The following OSTC variants were observed in gnomAD, a reference collection of about 807,000 sequenced individuals.
The protein encoded by OSTC is oligosaccharyltransferase complex non-catalytic subunit.
Under a neutral mutation model 16.4 loss-of-function variants are expected in OSTC, and 16 were observed. That is an observed-to-expected ratio of 0.98 (90% CI 0.66 to 1.49). The LOEUF (loss-of-function observed/expected upper bound fraction) is 1.49. Ranked by LOEUF, OSTC falls within the 40% of genes most tolerant of loss-of-function variation. The pLI, the probability that OSTC is intolerant of heterozygous loss-of-function variation, is 0.00. For synonymous variants in OSTC, 67 were observed against 68.5 expected (o/e 0.98, Z 0.11); for missense variants, 139 against 186.3 (o/e 0.75, Z 1.48).
At chr4:108,660,147 G>A (rs1017776263) in intron 3 of OSTC, among the ~76,000 whole-genome samples, 2 of 152,284 alleles carry the variant, frequency 1.3e-5, no homozygotes, top group East Asian at 1.9e-4. Flanking sequence ...ATGTAACACC[G>A]TTGACTAAAT....
At chr4:108,657,953 G>C (rs1334476752) in intron 3 of OSTC, among the ~76,000 whole-genome samples, 1 of 111,648 alleles carries the variant, frequency 9.0e-6, no homozygotes, top group African/African-American at 3.7e-5. Flanking sequence ...TTTTTGAGAC[G>C]GAGTTTCGCT....
At chr4:108,653,237 A>G (rs1432102621) in intron 1 of OSTC, among the ~76,000 whole-genome samples, 4 of 152,224 alleles carry the variant, frequency 2.6e-5, no homozygotes, top group Non-Finnish European at 5.9e-5. Flanking sequence ...CTCAAAAAAT[A>G]AAAACAAACA....
intron 3 of OSTC, chr4:108,663,197 T>A: frequency 2.2e-6 from 1 of 455,972 alleles, no homozygotes; most frequent in Non-Finnish European, 4.4e-6. Context: ...AATAAATGAA[T>A]AAACCATTAC....
chr4:108,651,856 G>C (rs1345897970), intron 1 of OSTC, among the ~76,000 whole-genome samples: 1 of 152,194 alleles, frequency 6.6e-6, no homozygotes, highest in Non-Finnish European at 1.5e-5. Flanking sequence ...GATTCAAACT[G>C]AGAGAGCTGA....
chr4:108,655,720 T>A (rs925840535), intron 2 of OSTC, 63 bp downstream of exon 2: 1 of 1,176,026 alleles, frequency 8.5e-7, no homozygotes, highest in Non-Finnish European at 1.3e-6. Flanking sequence ...TATGCCCACT[T>A]ATTTAAAAAT....
chr4:108,665,726 A>G (rs1031009102), intron 3 of OSTC, among the ~76,000 whole-genome samples: 37 of 151,702 alleles, frequency 2.4e-4, no homozygotes, highest in African/African-American at 8.7e-4. Context: ...CGCCCAGCTA[A>G]TTTTTGTAGT....
intron 3 of OSTC, 23 bp downstream of exon 3, chr4:108,657,670 A>G: frequency 6.4e-7 from 1 of 1,568,054 alleles, no homozygotes; most frequent in Non-Finnish European, 8.7e-7. Context: ...TGTAATCAGC[A>G]CCTTATGTTG....
intron 3 of OSTC, among the ~76,000 whole-genome samples, chr4:108,665,145 C>T (rs1233669674): frequency 6.6e-6 from 1 of 152,140 alleles, no homozygotes; most frequent in East Asian, 1.9e-4. Context: ...TGAGTGTTTG[C>T]TGTGTGCCAA....
rs1727009420 is a variant in OSTC at position 108,666,640 on chromosome 4, G to A, written c.432-607G>A. Among the ~76,000 whole-genome samples, 3 of 149,754 alleles carry A rather than the reference G, an allele frequency of 2.0e-5. No individual in the cohort carries two copies. In the South Asian group the frequency reaches 6.4e-4, roughly 32 times the overall value. On this transcript the variant is annotated intron_variant, in intron 3 of 3. Transcript: ENST00000361564. ...GCAGGAGAATCGCTTGAACCCAGGAGGCAGAGGTTGCAGTGAGCCGAGATT... is the reference window on the plus strand; with the variant it reads ...GCAGGAGAATCGCTTGAACCCAGGAAGCAGAGGTTGCAGTGAGCCGAGATT...
At chr4:108,656,247 T>G (rs978129815) in intron 2 of OSTC, among the ~76,000 whole-genome samples, 4 of 50,118 alleles carry the variant, frequency 8.0e-5, no homozygotes, top group African/African-American at 3.7e-4. Flanking sequence ...TTTCTAAAAT[T>G]TACTTAATAT....
At chr4:108,655,366 T>C (rs1726673452) in intron 1 of OSTC, among the ~76,000 whole-genome samples, 198 bp from the exon 2 acceptor site, 1 of 152,114 alleles carries the variant, frequency 6.6e-6, no homozygotes, top group African/African-American at 2.4e-5. Flanking sequence ...CTTGGGAGGC[T>C]GAGGCAGGAG....
chr4:108,658,445 G>GTGTGTA (rs1395625511), intron 3 of OSTC, among the ~76,000 whole-genome samples: 2 of 151,738 alleles, frequency 1.3e-5, no homozygotes, highest in Non-Finnish European at 2.9e-5. Flanking sequence ...GTGTGTGTGT[G>GTGTGTA]TATGTGTGCG....
chr4:108,662,844 A>AT (rs1306217063), intron 3 of OSTC, among the ~76,000 whole-genome samples: 2 of 152,214 alleles, frequency 1.3e-5, no homozygotes, highest in Non-Finnish European at 2.9e-5. Flanking sequence ...TCCGAGGTTC[A>AT]TTTTTAGCAA....
intron 3 of OSTC, among the ~76,000 whole-genome samples, chr4:108,659,735 C>T (rs1378146425): frequency 1.3e-5 from 2 of 152,056 alleles, no homozygotes; most frequent in African/African-American, 4.8e-5. Flanking sequence ...TGCCACTGCA[C>T]TCCAGCCTGG....
At chr4:108,653,219 G>A (rs1396309443) in intron 1 of OSTC, among the ~76,000 whole-genome samples, 1 of 152,080 alleles carries the variant, frequency 6.6e-6, no homozygotes, top group African/African-American at 2.4e-5. Context: ...AGCAAGACCC[G>A]ACCCTCTCTC....
At chr4:108,664,329 A>G (rs892924102) in intron 3 of OSTC, among the ~76,000 whole-genome samples, 2 of 152,186 alleles carry the variant, frequency 1.3e-5, no homozygotes, top group Non-Finnish European at 2.9e-5. Context: ...ATATTCACAT[A>G]TAGGTATATG....
In OSTC at chr4:108,660,473, T is replaced by C. The variant is rs566365891; in HGVS notation, c.431+2826T>C. ...CCCAGAGGAGATGATGAGCAAGGACTGTTGGCCTGTATTACACACAACAGG... is the reference window on the plus strand; with the variant it reads ...CCCAGAGGAGATGATGAGCAAGGACCGTTGGCCTGTATTACACACAACAGG... On this transcript the variant is annotated intron_variant, in intron 3 of 3. Transcript: ENST00000361564. Among the ~76,000 whole-genome samples, 5 of 152,332 alleles carry C rather than the reference T, an allele frequency of 3.3e-5. No homozygotes were observed. The East Asian group carries it at 9.6e-4, about 29-fold the overall frequency.
chr4:108,664,635 C>A (rs979610138), intron 3 of OSTC, among the ~76,000 whole-genome samples: 2 of 150,980 alleles, frequency 1.3e-5, no homozygotes, highest in African/African-American at 4.9e-5. Context: ...GGCTCTGTTG[C>A]CAGGCTGGAG....
At position 108,650,784 on chromosome 4, in the gene OSTC, C is replaced by T. The variant is rs1422976049; in HGVS notation, c.129C>T (p.Leu43=). The change falls in exon 1 of 4, where the codon CTC becomes CTT. Residue 43 remains leucine (L), a synonymous_variant. Transcript: ENST00000361564. ...VYALVVVSYF[L]ITGGIIYDVI... is the part of the protein sequence containing the mutation. ...CTCTGGTGGTGGTGTCTTACTTCCT[C>T]ATCACCGGAGGTAACTCGGGCTGTC... is the stretch of plus-strand genomic sequence containing the variant. 1.9e-6 allele frequency: 3 copies of T among 1,614,134 alleles called. No homozygotes were observed. Among genetic ancestry groups the T allele is most frequent in the Middle Eastern group, 3.3e-4 (2 of 6,084 alleles).
Sources: allele counts gnomAD v4.1 joint callset (sites outside exome capture counted in the v4.1 genomes callset), GRCh38; gene constraint gnomAD v4.1.1; transcripts MANE v1.5; gene names NCBI Gene and HGNC (gene_info 2026-07-23, HGNC 2026-07-21).